Variants in USP36 observed in about 807,000 individuals in gnomAD.
USP36 encodes ubiquitin specific peptidase 36.
Under a neutral mutation model 111.5 loss-of-function variants are expected in USP36, and 59 were observed. That is an observed-to-expected ratio of 0.53 (90% CI 0.43 to 0.66). USP36 has a LOEUF of 0.66. Ranked by LOEUF, USP36 falls within the 30% of genes least tolerant of loss-of-function variation. The pLI is 0.00. For missense variants in USP36, 1,488 were observed against 1,468.0 expected (o/e 1.01, Z -0.22); for synonymous variants, 628 against 581.0 (o/e 1.08, Z -1.16).
At chr17:78,827,405 G>A (rs1006440663) in intron 5 of USP36, 58 bp from the exon 6 acceptor site, 19 of 1,530,686 alleles carry the variant, frequency 1.2e-5, no homozygotes, top group African/African-American at 5.5e-5. Context: ...AACGGCCTGC[G>A]GCTGCTTTCC....
rs1381530290 is a variant in USP36 at position 78,796,283 on chromosome 17, G to A, written c.*1617C>T. 6.6e-6 allele frequency: 1 copy of A among 152,198 alleles called. No individual in the cohort carries two copies. Among genetic ancestry groups the A allele is most frequent in the African/African-American group, 2.4e-5 (1 of 41,426 alleles). 9.4% of individuals were successfully genotyped at this position (152,198 alleles called of 1,614,324 possible). On this transcript the variant is annotated 3_prime_UTR_variant, in exon 21 of 21. Transcript: ENST00000449938. ...CAGAGGGAACAGTTCACACAGGAAT[G>A]CAAGTCAACACCCCGAGAAGAAAAG...
downstream of USP36, among the ~76,000 whole-genome samples, chr17:78,791,285 C>A (rs958031879): frequency 2.6e-5 from 4 of 152,090 alleles, no homozygotes; most frequent in African/African-American, 9.7e-5. Context: ...CAGGCATGCA[C>A]CACCATGCCC....
Position 78,827,304 on chromosome 17 carries a change from A to G in USP36, c.630T>C (p.His210=). ...CGTCGATGGTGTACCGCAGGAACTC[A>G]TGCGCGTCCTCCTGGTTCCCAAAGC... is the stretch of plus-strand genomic sequence containing the variant. ...HFRFGNQEDA[H]EFLRYTIDAM... Residue 210 remains histidine, a synonymous_variant, in exon 6 of 21, where the codon CAT becomes CAC. Coordinates refer to ENST00000449938, the MANE Select transcript of USP36 (RefSeq NM_001385174.1). 2 of 1,613,908 alleles carry G rather than the reference A, an allele frequency of 1.2e-6. No individual in the cohort carries two copies. The highest frequency in any genetic ancestry group is 1.7e-6 in the Non-Finnish European group (2 of 1,179,836).
intron 4 of USP36, 28 bp from the exon 5 acceptor site, chr17:78,829,035 T>G (rs764427783): frequency 6.2e-7 from 1 of 1,601,782 alleles, no homozygotes; most frequent in East Asian, 2.2e-5. Context: ...GGAGCAATTT[T>G]AAGACAAGAG....
In USP36 at chr17:78,806,157, T is replaced by C. The variant is rs756344934; in HGVS notation, c.2215A>G (p.Arg739Gly). 6.2e-7 allele frequency: 1 copy of C among 1,613,326 alleles called. No individual in the cohort carries two copies. Among genetic ancestry groups the C allele is most frequent in the Non-Finnish European group, 8.5e-7 (1 of 1,179,886 alleles). ...VASTWPVHRA[R>G]AVSPAPQSSS... is the part of the protein sequence containing the mutation. Reference sequence around the variant, plus strand: ...AGAAGATCCCGGCCCAAAGCTTACCTGGCTCTATGGACGGGCCAAGTGGAG... The same window carrying C: ...AGAAGATCCCGGCCCAAAGCTTACCCGGCTCTATGGACGGGCCAAGTGGAG... The change falls in exon 15 of 21, where the codon AGG (arginine) becomes GGG (glycine). Residue 739 changes from arginine (R) to glycine (G), a missense_variant and splice_region_variant. Arg to Gly is a moderately radical substitution (Grantham distance 125, BLOSUM62 -2). Transcript: ENST00000449938.
In USP36 at chr17:78,798,262, C is replaced by G; in HGVS notation, c.*20+138G>C. On this transcript the variant is annotated intron_variant, in intron 20 of 20. Coordinates refer to ENST00000449938, the MANE Select transcript of USP36 (RefSeq NM_001385174.1). The surrounding 1 kb of genome is among the most constrained non-coding windows in gnomAD (Gnocchi z 5.1). ...ACACCACAGACGCGCCCACACCACA[C>G]ACACCACCCAACACACATGTGCCAG... is the stretch of plus-strand genomic sequence containing the variant. 1 of 1,198,762 alleles carries G rather than the reference C, an allele frequency of 8.3e-7. No individual in the cohort carries two copies. Among genetic ancestry groups the G allele is most frequent in the Non-Finnish European group, 1.1e-6 (1 of 870,828 alleles). The allele number at this position is 1,198,762 out of a possible 1,614,324, so 74.3% of individuals were successfully genotyped here.
intron 13 of USP36, among the ~76,000 whole-genome samples, chr17:78,811,599 G>A (rs1251427274): frequency 6.6e-6 from 1 of 152,192 alleles, no homozygotes; most frequent in Admixed American, 6.5e-5. Context: ...GCCGGGCACA[G>A]TGGCTCACGT....
At chr17:78,799,905 T>TTA (rs1682367964) in intron 17 of USP36, 137 bp from the exon 18 acceptor site, 5 of 524,764 alleles carry the variant, frequency 9.5e-6, no homozygotes, top group Admixed American at 4.5e-5. Flanking sequence ...TTTTTTTTTT[T>TTA]AAAGACAGGG....
In USP36 at chr17:78,836,324, C is replaced by T. The variant is rs770618059; in HGVS notation, c.40G>A (p.Gly14Ser). The change falls in exon 3 of 21, where the codon GGC becomes AGC. Residue 14 changes from glycine to serine, a missense_variant. Gly to Ser is a moderately conservative substitution (Grantham distance 56). Transcript: ENST00000449938. ...VDKLKEALKP[G>S]RKDSADDGEL... ...CCATCATCAGCCGAGTCCTTGCGGC[C>T]GGGTTTCAGGGCCTCCTTCAACTTA... 1.7e-5 allele frequency: 28 copies of T among 1,614,020 alleles called. No homozygotes were observed. The highest frequency in any genetic ancestry group is 1.3e-4 in the East Asian group (6 of 44,890).
At chr17:78,804,416 C>T (rs1367899909) in intron 15 of USP36, among the ~76,000 whole-genome samples, 5 of 148,406 alleles carry the variant, frequency 3.4e-5, no homozygotes, top group Non-Finnish European at 7.4e-5. Flanking sequence ...AGCCGAATCG[C>T]GCCACTGCAC....
intron 4 of USP36, among the ~76,000 whole-genome samples, chr17:78,835,017 A>ATT (rs56404806): frequency 2.2e-3 from 319 of 143,016 alleles, no homozygotes; most frequent in Non-Finnish European, 3.5e-3. Context: ...ATATATATAT[A>ATT]TTTTGGAAGT....
intron 1 of USP36, among the ~76,000 whole-genome samples, chr17:78,839,476 C>T (rs1331348457): frequency 2.0e-5 from 3 of 152,172 alleles, no homozygotes; most frequent in Non-Finnish European, 4.4e-5. Context: ...TAAAAACTCC[C>T]CACAATATCA....
At chr17:78,813,651 A>C in intron 12 of USP36, 122 bp downstream of exon 12, 1 of 850,518 alleles carries the variant, frequency 1.2e-6, no homozygotes, top group Non-Finnish European at 1.9e-6. Flanking sequence ...TCTATGACAC[A>C]TGACAAATCC....
Position 78,807,129 on chromosome 17 carries a change from C to T in USP36, c.1915G>A (p.Asp639Asn), listed in dbSNP as rs768686464. 20 of 1,614,094 alleles carry T rather than the reference C, an allele frequency of 1.2e-5. No homozygotes were observed. Among genetic ancestry groups the T allele is most frequent in the Admixed American group, 3.3e-5 (2 of 60,004 alleles). The change falls in exon 14 of 21, where the codon GAT becomes AAT. Residue 639 changes from aspartate (D) to asparagine (N), a missense_variant. Around this residue, in one of 3 missense-constraint regions of USP36, gnomAD observed 1,073 missense variants for 994.1 expected, o/e 1.08. Coordinates refer to ENST00000449938, the MANE Select transcript of USP36 (RefSeq NM_001385174.1). ...TPRSGAAHLC[D>N]SQETNCSTAG... ...GTGGAACAGTTCGTTTCCTGAGAAT[C>T]GCAGAGATGGGCCGCTCCACTCCTG...
chr17:78,806,948 C>G lies in USP36; in HGVS notation c.2085+11G>C, dbSNP rs200900561. 6.2e-7 allele frequency: 1 copy of G among 1,613,182 alleles called. No individual in the cohort carries two copies. The highest frequency in any genetic ancestry group is 2.2e-5 in the East Asian group (1 of 44,876). On this transcript the variant is annotated intron_variant, in intron 14 of 20. Coordinates refer to ENST00000449938, the MANE Select transcript of USP36 (RefSeq NM_001385174.1). ...TGATACACAGCAGCGGCGAGACCCC[C>G]ACACACCCACCTTCTTGGCAGAAAG...
chr17:78,798,198 C>T lies in USP36; in HGVS notation c.*20+202G>A, dbSNP rs1369777393. The T allele has an allele frequency of 2.1e-5, 13 of 632,480 alleles. No homozygotes were observed. The highest frequency in any genetic ancestry group is 4.0e-5 in the South Asian group (2 of 49,606). 39.2% of individuals were successfully genotyped at this position (632,480 alleles called of 1,614,324 possible). A position where few individuals can be genotyped will look rare whatever the true frequency, so the allele number is the denominator to read the frequency against. On this transcript the variant is annotated intron_variant, in intron 20 of 20. Coordinates refer to ENST00000449938, the MANE Select transcript of USP36 (RefSeq NM_001385174.1). The surrounding 1 kb of genome is among the most constrained non-coding windows in gnomAD (Gnocchi z 5.1). ...TCCCACACACACCCCCTTATACACA[C>T]GCATCCCACACACACCCTTCTCCAA...
At chr17:78,841,072 T>C (rs1156351875), upstream of USP36, 1 of 152,144 alleles carries the variant, frequency 6.6e-6, no homozygotes, top group Non-Finnish European at 1.5e-5. Context: ...CAGGGTGACG[T>C]CTCCGCAGCG....
intron 17 of USP36, among the ~76,000 whole-genome samples, chr17:78,800,589 T>C (rs1174337261): frequency 2.0e-5 from 3 of 152,218 alleles, no homozygotes; most frequent in African/African-American, 7.2e-5. Context: ...CCCCACACAG[T>C]GGCTTCCATG....
chr17:78,828,612 GCA>G (rs2145541820), intron 5 of USP36, among the ~76,000 whole-genome samples: 1 of 152,264 alleles, frequency 6.6e-6, no homozygotes, highest in South Asian at 2.1e-4. Context: ...AGGGCTGTTA[GCA>G]CAGAGGGATT....
Sources: gnomAD v4.1 joint callset for allele counts (sites outside exome capture counted in the v4.1 genomes callset) on GRCh38, gnomAD v4.1.1 for gene constraint, gnomAD v4.1.1 regional missense constraint, Gnocchi (gnomAD v3.1) non-coding constraint, MANE v1.5 for transcripts, NCBI Gene and HGNC (gene_info 2026-07-23, HGNC 2026-07-21) for gene names.